Variants in ATXN7 observed in about 807,000 individuals in gnomAD.
ATXN7 encodes the protein ataxin 7.
Under a neutral mutation model 70.5 loss-of-function variants are expected in ATXN7, and 12 were observed. That is an observed-to-expected ratio of 0.17 (90% CI 0.11 to 0.28). ATXN7 has a LOEUF of 0.28. Ranked by LOEUF, ATXN7 falls within the 10% of genes least tolerant of loss-of-function variation. The probability of loss-of-function intolerance (pLI) is 1.00; values close to 1 mark genes in which losing one functional copy is unlikely to be tolerated. For missense variants in ATXN7, 1,256 were observed against 1,131.7 expected, an observed-to-expected ratio of 1.11 and a Z score of -1.58; for synonymous variants, 498 against 448.7, an observed-to-expected ratio of 1.11 and a Z score of -1.39.
At position 63,916,637 on chromosome 3, in the gene ATXN7, C is replaced by A. The variant is rs141069215; in HGVS notation, c.394+3412C>A. Among the ~76,000 whole-genome samples, 1,131 of 151,508 alleles carry A rather than the reference C, an allele frequency of 7.5e-3. 17 individuals are homozygous for A. Among genetic ancestry groups the A allele is most frequent in the African/African-American group, 0.024 (1,001 of 41,264 alleles). On this transcript the variant is annotated intron_variant, in intron 4 of 12. Transcript: ENST00000674280. ...GTAAACCTACCCAAGGCAAGAATAC[C>A]CAAGGGTTAATGTTGTGGCAGAAGG... is the stretch of plus-strand genomic sequence containing the variant.
chr3:63,876,046 C>G (rs1017352184), intron 1 of ATXN7, among the ~76,000 whole-genome samples: 1 of 152,154 alleles, frequency 6.6e-6, no homozygotes, highest in East Asian at 1.9e-4. Context: ...CAGCTTCTAA[C>G]CATGTTTTGA....
chr3:63,933,901 A>T (rs2074607742), intron 4 of ATXN7, among the ~76,000 whole-genome samples: 2 of 149,610 alleles, frequency 1.3e-5, no homozygotes, highest in Non-Finnish European at 1.5e-5. Context: ...TGGCTAGTTG[A>T]TTTTCTCTTT....
chr3:63,923,067 G>A (rs376217021), intron 4 of ATXN7, among the ~76,000 whole-genome samples: 3 of 152,150 alleles, frequency 2.0e-5, no homozygotes, highest in Non-Finnish European at 4.4e-5. Flanking sequence ...GTTTCAGACC[G>A]TGTCCTTTAG....
intron 1 of ATXN7, among the ~76,000 whole-genome samples, chr3:63,866,603 AT>A (rs1186151519): frequency 1.3e-4 from 20 of 152,194 alleles, no homozygotes; most frequent in Middle Eastern, 3.2e-3. Flanking sequence ...TTGAGCCTTT[AT>A]GAACTCTAAA....
chr3:63,966,442 A>C (rs982057554), intron 5 of ATXN7, among the ~76,000 whole-genome samples: 2 of 152,114 alleles, frequency 1.3e-5, no homozygotes, highest in Non-Finnish European at 2.9e-5. Context: ...TGAGCTTTTA[A>C]AAAGATTTGG....
intron 2 of ATXN7, among the ~76,000 whole-genome samples, chr3:63,909,878 T>C (rs2107288191): frequency 6.6e-6 from 1 of 152,326 alleles, no homozygotes; most frequent in Non-Finnish European, 1.5e-5. Context: ...GCTGAATTGC[T>C]CAGTTTAATA....
chr3:63,881,742 C>A (rs866360775), intron 1 of ATXN7, among the ~76,000 whole-genome samples: 1 of 152,156 alleles, frequency 6.6e-6, no homozygotes, highest in Admixed American at 6.5e-5. Context: ...CCCGCCTTGG[C>A]GTCCCAGAGT....
intron 4 of ATXN7, among the ~76,000 whole-genome samples, chr3:63,950,823 G>A (rs2074941222): frequency 6.6e-6 from 1 of 152,128 alleles, no homozygotes; most frequent in East Asian, 1.9e-4. Flanking sequence ...ACAGAAGTCT[G>A]TAGTCTACTG....
chr3:63,875,704 A>G (rs1422506515), intron 1 of ATXN7, among the ~76,000 whole-genome samples: 2 of 152,024 alleles, frequency 1.3e-5, no homozygotes, highest in Non-Finnish European at 2.9e-5. Flanking sequence ...CTCTTCTTTT[A>G]TATGGTCCTG....
chr3:63,913,050 GCGGAA>G (rs981883891), intron 3 of ATXN7, 102 bp from the exon 4 acceptor site: 1 of 1,419,714 alleles, frequency 7.0e-7, no homozygotes, highest in Non-Finnish European at 9.7e-7. Flanking sequence ...TTGCTGGGTT[GCGGAA>G]CGCGGAGGTG....
Position 63,990,176 on chromosome 3 carries a change from G to A in ATXN7, c.1362G>A (p.Arg454=), listed in dbSNP as rs1489140121. ...KPKPHTPSLP[R]PPGCPAQQGG... ...CGTGCTGCACTTTCTACTCACCAAG[G>A]CCTCCAGGCTGCCCTGCTCAGCAAG... Residue 454 remains arginine, a splice_region_variant and synonymous_variant, in exon 10 of 13, where the codon AGG becomes AGA. Coordinates refer to ENST00000674280, the MANE Select transcript of ATXN7 (RefSeq NM_001377405.1). The A allele has an allele frequency of 6.2e-6, 10 of 1,612,688 alleles. No homozygotes were observed. Among genetic ancestry groups the A allele is most frequent in the Admixed American group, 1.7e-5 (1 of 60,002 alleles).
intron 5 of ATXN7, among the ~76,000 whole-genome samples, chr3:63,954,149 A>G (rs1036975849): frequency 1.3e-5 from 2 of 152,208 alleles, no homozygotes; most frequent in African/African-American, 4.8e-5. Flanking sequence ...AGAGGTGGAT[A>G]AGATGTCATT....
intron 4 of ATXN7, among the ~76,000 whole-genome samples, chr3:63,915,822 C>T (rs1336372659): frequency 6.6e-6 from 1 of 151,962 alleles, no homozygotes; most frequent in African/African-American, 2.4e-5. Flanking sequence ...GCTGGGATTA[C>T]AGGCACGCAC....
intron 5 of ATXN7, among the ~76,000 whole-genome samples, chr3:63,978,251 G>A (rs1189223754): frequency 2.0e-5 from 3 of 152,154 alleles, no homozygotes; most frequent in Non-Finnish European, 4.4e-5. Flanking sequence ...ATTCCAGTGG[G>A]TAGCCAAGGT....
intron 2 of ATXN7, among the ~76,000 whole-genome samples, chr3:63,910,029 G>A (rs1322141833): frequency 1.3e-5 from 2 of 152,088 alleles, no homozygotes; most frequent in African/African-American, 4.8e-5. Context: ...AATGCCAAGA[G>A]GATACTTAAT....
In ATXN7 at chr3:63,891,454, G is replaced by T. The variant is rs1575853642; in HGVS notation, c.-110-6945G>T. ...CTGCCTCAGCCTCCCAAGTAGCTGG[G>T]ACTACAGGTGTGAGACACCACACCT... On this transcript the variant is annotated intron_variant, in intron 1 of 12. Transcript: ENST00000674280. Among the ~76,000 whole-genome samples, 3 of 152,142 alleles carry T rather than the reference G, an allele frequency of 2.0e-5. 1 individual carries two copies. Among genetic ancestry groups the T allele is most frequent in the Admixed American group, 2.0e-4 (3 of 15,278 alleles).
At chr3:63,991,961 C>G (rs970139888) in intron 11 of ATXN7, among the ~76,000 whole-genome samples, 3 of 152,114 alleles carry the variant, frequency 2.0e-5, no homozygotes, top group African/African-American at 7.2e-5. Context: ...ACCTCGGAAC[C>G]TTTTTTAGGG....
At chr3:63,944,596 A>C (rs2074825743) in intron 4 of ATXN7, among the ~76,000 whole-genome samples, 2 of 152,100 alleles carry the variant, frequency 1.3e-5, no homozygotes, top group South Asian at 4.1e-4. Flanking sequence ...TATTTCTGGA[A>C]TTTTCATTTT....
chr3:63,980,545 G>C (rs1216641833), intron 6 of ATXN7: 2 of 216,474 alleles, frequency 9.2e-6, no homozygotes, highest in Admixed American at 1.0e-4. Flanking sequence ...AAGGCCTCAA[G>C]TCACATAGGC....
Sources: gnomAD v4.1 joint callset for allele counts (sites outside exome capture counted in the v4.1 genomes callset) on GRCh38, gnomAD v4.1.1 for gene constraint, MANE v1.5 for transcripts, NCBI Gene and HGNC (gene_info 2026-07-23, HGNC 2026-07-21) for gene names.